QRFPR: variants seen among roughly 807,000 people sequenced by gnomAD.
QRFPR encodes the protein pyroglutamylated RF-amide peptide receptor.
QRFPR carries 37 observed loss-of-function variants against 31.3 expected under a neutral mutation model. The observed-to-expected ratio is 1.18, with a 90% CI of 0.91 to 1.56. The LOEUF is 1.56. Among genes scored for constraint, QRFPR ranks in the 40% most tolerant of loss-of-function variants. The pLI, the probability that QRFPR is intolerant of heterozygous loss-of-function variation, is 0.00. For synonymous variants in QRFPR, 197 were observed against 192.0 expected (o/e 1.03, Z -0.22); for missense variants, 542 against 532.5 (o/e 1.02, Z -0.18).
chr4:121,329,533 T>G lies in QRFPR; in HGVS notation c.1077A>C (p.Ala359=). Residue 359 remains alanine, a synonymous_variant, in exon 6 of 6, where the codon GCA becomes GCC. Transcript: ENST00000394427. ...YCIVNKTFSP[A]QRHGNSGITM... ...TAATTCCTGAATTTCCATGCCTTTG[T>G]GCTGGAGAGAAGGTTTTATTTACTA... is the stretch of plus-strand genomic sequence containing the variant. The G allele has an allele frequency of 6.2e-7, 1 of 1,613,950 alleles. No homozygotes were observed. The highest frequency in any genetic ancestry group is 8.5e-7 in the Non-Finnish European group (1 of 1,179,890).
rs771801115 is a variant in QRFPR, at chr4:121,329,389, C to A, written c.1221G>T (p.Lys407Asn). ...EVKLCEQTEE[K>N]KKLKRHLALF... Reference sequence around the variant, plus strand: ...GAGCAAGATGTCGTTTGAGCTTTTTCTTCTCCTCTGTCTGTTCACACAATT... The same window carrying A: ...GAGCAAGATGTCGTTTGAGCTTTTTATTCTCCTCTGTCTGTTCACACAATT... The change falls in exon 6 of 6, where the codon AAG becomes AAT. Residue 407 changes from lysine to asparagine, a missense_variant. Transcript: ENST00000394427. 28 of 1,614,012 alleles carry A rather than the reference C, an allele frequency of 1.7e-5. No homozygotes were observed. The highest frequency in any genetic ancestry group is 2.3e-5 in the Non-Finnish European group (27 of 1,180,002).
At chr4:121,334,402 G>A (rs528969818) in intron 3 of QRFPR, 2 of 158,790 alleles carry the variant, frequency 1.3e-5, no homozygotes, top group African/African-American at 2.4e-5. Context: ...GAAGTGTCAC[G>A]CTGGGTCTAA....
At chr4:121,359,174 T>C (rs954478689) in intron 1 of QRFPR, among the ~76,000 whole-genome samples, 1 of 152,152 alleles carries the variant, frequency 6.6e-6, no homozygotes, top group Non-Finnish European at 1.5e-5. Flanking sequence ...CTCTTTTAAA[T>C]TGCTTCATTA....
chr4:121,344,272 C>T (rs945695082), intron 1 of QRFPR, among the ~76,000 whole-genome samples: 18 of 152,192 alleles, frequency 1.2e-4, no homozygotes, highest in Non-Finnish European at 2.4e-4. Context: ...GGTTGTCAGA[C>T]TCCAGTTCCT....
At chr4:121,329,995 G>A (rs1343930203) in intron 5 of QRFPR, among the ~76,000 whole-genome samples, 2 of 152,182 alleles carry the variant, frequency 1.3e-5, no homozygotes, top group African/African-American at 4.8e-5. Context: ...ATGTAAACTG[G>A]AAGCAGCAGT....
At chr4:121,374,808 G>A (rs1399558583) in intron 1 of QRFPR, among the ~76,000 whole-genome samples, 2 of 152,198 alleles carry the variant, frequency 1.3e-5, no homozygotes, top group African/African-American at 4.8e-5. Context: ...GTGCATGAAT[G>A]TGTACTTCCC....
rs1270212834 is a variant in QRFPR, at chr4:121,328,748, G to A, written c.*566C>T. 3.9e-5 allele frequency among the ~76,000 whole-genome samples: 6 copies of A among 152,032 alleles called. No homozygotes were observed. The highest frequency in any genetic ancestry group is 5.9e-5 in the Non-Finnish European group (4 of 67,986). On this transcript the variant is annotated 3_prime_UTR_variant, in exon 6 of 6. Coordinates refer to ENST00000394427, the MANE Select transcript of QRFPR (RefSeq NM_198179.3). ...AAATAATCTTAAAAGTATGGTTTAC[G>A]AATTTTTCAAAAAAATTTTTTTTGA...
At chr4:121,343,315 A>C (rs543315723) in intron 1 of QRFPR, among the ~76,000 whole-genome samples, 1 of 152,270 alleles carries the variant, frequency 6.6e-6, no homozygotes, top group African/African-American at 2.4e-5. Context: ...CACCTATCCT[A>C]TCCCTAAGGG....
intron 1 of QRFPR, 120 bp downstream of exon 1, chr4:121,380,188 A>AGAGAG (rs1726449186): frequency 1.3e-4 from 12 of 94,456 alleles, no homozygotes; most frequent in Non-Finnish European, 1.3e-4. Context: ...ACGAGAGAGG[A>AGAGAG]GAGAGAGAGA....
chr4:121,372,844 T>G (rs1332070639), intron 1 of QRFPR, among the ~76,000 whole-genome samples: 1 of 152,150 alleles, frequency 6.6e-6, no homozygotes, highest in Non-Finnish European at 1.5e-5. Context: ...GGACACTTGG[T>G]TTGAGACAGG....
At chr4:121,377,183 T>G (rs1018804342) in intron 1 of QRFPR, among the ~76,000 whole-genome samples, 2 of 152,182 alleles carry the variant, frequency 1.3e-5, no homozygotes, top group Non-Finnish European at 2.9e-5. Context: ...TATTCCCAGC[T>G]TTTCAGAAGG....
rs1373440730 is a variant in QRFPR at position 121,329,159 on chromosome 4, C to T, written c.*155G>A. ...TCAATTGGTTGTAAACATCACTGCA[C>T]TTGGACTAGCCTCGTGTCATTTTTT... On this transcript the variant is annotated 3_prime_UTR_variant, in exon 6 of 6. Coordinates refer to ENST00000394427, the MANE Select transcript of QRFPR (RefSeq NM_198179.3). 1.7e-6 allele frequency: 1 copy of T among 601,396 alleles called. No individual in the cohort carries two copies. The highest frequency in any genetic ancestry group is 1.9e-5 in the African/African-American group (1 of 53,782). The allele number at this position is 601,396 out of a possible 1,614,324, so 37.3% of individuals were successfully genotyped here. A position where few individuals can be genotyped will look rare whatever the true frequency, so the allele number is the denominator to read the frequency against.
intron 1 of QRFPR, among the ~76,000 whole-genome samples, chr4:121,354,326 C>G (rs1725823499): frequency 1.3e-5 from 2 of 151,368 alleles, no homozygotes; most frequent in African/African-American, 4.8e-5. Flanking sequence ...AGTATTGATT[C>G]TTCCAACCCA....
chr4:121,378,128 T>C (rs1726391771), intron 1 of QRFPR, among the ~76,000 whole-genome samples: 1 of 152,224 alleles, frequency 6.6e-6, no homozygotes, highest in South Asian at 2.1e-4. Flanking sequence ...TAATACCTTA[T>C]ACTTTCATGG....
intron 1 of QRFPR, among the ~76,000 whole-genome samples, chr4:121,374,920 C>T (rs1452352744): frequency 6.6e-6 from 1 of 152,070 alleles, no homozygotes; most frequent in East Asian, 1.9e-4. Flanking sequence ...TTTTCACTGC[C>T]CACGGCAGGA....
intron 1 of QRFPR, among the ~76,000 whole-genome samples, chr4:121,368,161 G>C (rs756593526): frequency 2.0e-5 from 3 of 149,606 alleles, no homozygotes; most frequent in Non-Finnish European, 4.4e-5. Flanking sequence ...AAAGGGATGA[G>C]GCTCATTTTG....
intron 1 of QRFPR, among the ~76,000 whole-genome samples, chr4:121,349,528 A>G (rs1725723381): frequency 6.6e-6 from 1 of 152,156 alleles, no homozygotes; most frequent in African/African-American, 2.4e-5. Context: ...TCCTAAAATA[A>G]TTTCTTTTCA....
At chr4:121,337,293 C>G (rs982463635) in intron 2 of QRFPR, among the ~76,000 whole-genome samples, 1 of 152,186 alleles carries the variant, frequency 6.6e-6, no homozygotes, top group Non-Finnish European at 1.5e-5. Context: ...CAGTGTCTAT[C>G]TGTGGACTCA....
At chr4:121,367,588 A>G (rs1278594514) in intron 1 of QRFPR, among the ~76,000 whole-genome samples, 9 of 150,528 alleles carry the variant, frequency 6.0e-5, no homozygotes, top group Non-Finnish European at 1.3e-4. Flanking sequence ...CTAACAGTGC[A>G]ACAAGTTTTT....
Sources: gnomAD v4.1 joint callset for allele counts (sites outside exome capture counted in the v4.1 genomes callset) on GRCh38, gnomAD v4.1.1 for gene constraint, MANE v1.5 for transcripts, NCBI Gene and HGNC (gene_info 2026-07-23, HGNC 2026-07-21) for gene names.